The following VTI1A variants were observed in gnomAD, a reference collection of about 807,000 sequenced individuals.
The protein encoded by VTI1A is vesicle transport through interaction with t-SNAREs homolog 1A.
Under a neutral mutation model 34.9 loss-of-function variants are expected in VTI1A, and 22 were observed. The ratio of observed to expected loss-of-function variants is 0.63; its 90% CI spans 0.45 to 0.90. The LOEUF is 0.90. VTI1A is among the 40% of genes least tolerant of loss of function. The pLI is 0.00. For missense variants in VTI1A, 268 were observed against 275.6 expected, an observed-to-expected ratio of 0.97 and a Z score of 0.20; for synonymous variants, 87 against 97.3, an observed-to-expected ratio of 0.89 and a Z score of 0.62.
chr10:112,656,977 C>T (rs1382070800), intron 5 of VTI1A, among the ~76,000 whole-genome samples: 1 of 152,064 alleles, frequency 6.6e-6, no homozygotes, highest in Non-Finnish European at 1.5e-5. Flanking sequence ...GTGGGTAGCA[C>T]CTTCCCCTCA....
the VTI1A span, among the ~76,000 whole-genome samples, chr10:112,833,453 G>A: frequency 2.7e-4 from 41 of 152,100 alleles, no homozygotes; most frequent in African/African-American, 9.6e-4. Flanking sequence ...TCGGAGACTA[G>A]GGGTGTGAAG....
chr10:112,737,964 C>T (rs1207935289), intron 7 of VTI1A: 7 of 917,848 alleles, frequency 7.6e-6, no homozygotes, highest in Non-Finnish European at 9.1e-6. Context: ...ATGCTTAGGG[C>T]CTCCTGCAAG....
intron 7 of VTI1A, among the ~76,000 whole-genome samples, chr10:112,673,474 A>ACG (rs1282874045): frequency 6.6e-6 from 1 of 151,752 alleles, no homozygotes; most frequent in Non-Finnish European, 1.5e-5. Context: ...GCGCGCACAC[A>ACG]CACACACACG....
At chr10:112,593,622 C>T (rs190697950) in intron 5 of VTI1A, among the ~76,000 whole-genome samples, 1 of 152,218 alleles carries the variant, frequency 6.6e-6, no homozygotes, top group Admixed American at 6.5e-5. Context: ...ACTCATAATC[C>T]CATCAACCAC....
chr10:112,829,545 G>C, the VTI1A span, among the ~76,000 whole-genome samples: 1 of 152,066 alleles, frequency 6.6e-6, no homozygotes, highest in African/African-American at 2.4e-5. Flanking sequence ...GAAATCAGGA[G>C]TTTGAGACCA....
chr10:112,587,508 G>A (rs1378208332), intron 5 of VTI1A, among the ~76,000 whole-genome samples: 1 of 152,110 alleles, frequency 6.6e-6, no homozygotes, highest in Non-Finnish European at 1.5e-5. Context: ...AAAAAGGAGA[G>A]AAAGATAATA....
chr10:112,608,011 C>G (rs1845153362), intron 5 of VTI1A, among the ~76,000 whole-genome samples: 3 of 152,172 alleles, frequency 2.0e-5, no homozygotes, highest in Admixed American at 2.0e-4. Context: ...CCGCAGTATT[C>G]TTTTGATCAC....
At chr10:112,549,330 G>T (rs1207696406) in intron 5 of VTI1A, among the ~76,000 whole-genome samples, 1 of 152,220 alleles carries the variant, frequency 6.6e-6, no homozygotes, top group South Asian at 2.1e-4. Flanking sequence ...CTGCAGAGGT[G>T]CAGAGCTAGG....
chr10:112,667,226 G>T (rs575105852), intron 5 of VTI1A, among the ~76,000 whole-genome samples: 1 of 152,176 alleles, frequency 6.6e-6, no homozygotes, highest in African/African-American at 2.4e-5. Context: ...TGTTGTTATA[G>T]GTATGAGTAA....
chr10:112,507,458 TTC>T lies in VTI1A; in HGVS notation c.265-19624_265-19623del, dbSNP rs1189829104. On this transcript the variant is annotated intron_variant, in intron 3 of 7. Transcript: ENST00000393077. ...AAGATTCTGAATGCGTCAGAATATT[TTC>T]TCTCAGCCCTTCTGTGCCTCTCTTC... Among the ~76,000 whole-genome samples the T allele has an allele frequency of 3.3e-5, 5 of 152,190 alleles. 1 individual carries two copies. Among genetic ancestry groups the T allele is most frequent in the Non-Finnish European group, 7.3e-5 (5 of 68,036 alleles).
intron 5 of VTI1A, among the ~76,000 whole-genome samples, chr10:112,538,836 A>G (rs1296786190): frequency 2.0e-5 from 3 of 152,218 alleles, no homozygotes; most frequent in Non-Finnish European, 4.4e-5. Flanking sequence ...TAGAGCCTAT[A>G]ATCAGATACG....
At chr10:112,680,777 G>A (rs1023368284) in intron 7 of VTI1A, among the ~76,000 whole-genome samples, 5 of 152,208 alleles carry the variant, frequency 3.3e-5, no homozygotes, top group Admixed American at 2.6e-4. Flanking sequence ...TCACAGAGGA[G>A]ATGATAGGTG....
intron 7 of VTI1A, among the ~76,000 whole-genome samples, chr10:112,763,594 G>C (rs1269413220): frequency 6.6e-6 from 1 of 152,134 alleles, no homozygotes; most frequent in Non-Finnish European, 1.5e-5. Context: ...CTGCTTTATA[G>C]CTCTGAGAAG....
intron 5 of VTI1A, among the ~76,000 whole-genome samples, chr10:112,642,777 T>C (rs17267872): frequency 0.09 from 13,755 of 152,012 alleles, 848 homozygotes; most frequent in Non-Finnish European, 0.13. Context: ...AGGCCGAGCA[T>C]AGGGAGAAGA....
chr10:112,485,399 G>A (rs1468760501), intron 3 of VTI1A: 2 of 152,142 alleles, frequency 1.3e-5, no homozygotes, highest in South Asian at 2.1e-4. Context: ...TGCCAGAGAA[G>A]AGCTGATATA....
chr10:112,513,725 G>T (rs567672389), intron 3 of VTI1A, among the ~76,000 whole-genome samples: 21 of 18,964 alleles, frequency 1.1e-3, no homozygotes, highest in Non-Finnish European at 2.5e-3. Context: ...TACCTAATCT[G>T]TTGAGGTTTT....
intron 7 of VTI1A, among the ~76,000 whole-genome samples, chr10:112,680,290 C>T (rs980537706): frequency 6.6e-6 from 1 of 152,166 alleles, no homozygotes; most frequent in African/African-American, 2.4e-5. Flanking sequence ...TTGTAAGACA[C>T]AGTCACATAT....
chr10:112,852,619 C>T, the VTI1A span, among the ~76,000 whole-genome samples: 1 of 152,224 alleles, frequency 6.6e-6, no homozygotes, highest in Non-Finnish European at 1.5e-5. Context: ...TGCCACTCAC[C>T]TTTTGTGACC....
At chr10:112,497,086 G>T (rs1336796924) in intron 3 of VTI1A, among the ~76,000 whole-genome samples, 3 of 152,190 alleles carry the variant, frequency 2.0e-5, no homozygotes, top group Admixed American at 2.0e-4. Flanking sequence ...GGGAGGCCGA[G>T]GCAGGCGGAT....
Sources: gnomAD v4.1 joint callset for allele counts (sites outside exome capture counted in the v4.1 genomes callset) on GRCh38, gnomAD v4.1.1 for gene constraint, MANE v1.5 for transcripts, NCBI Gene and HGNC (gene_info 2026-07-23, HGNC 2026-07-21) for gene names.